Variants in ITPK1 observed in about 807,000 individuals in gnomAD.
ITPK1 encodes the protein inositol 1,3,4-trisphosphate 5/6-kinase.
Under a neutral mutation model 45.3 loss-of-function variants are expected in ITPK1, and 21 were observed. That is an observed-to-expected ratio of 0.46 (90% confidence interval 0.33 to 0.67). The LOEUF (loss-of-function observed/expected upper bound fraction) is 0.67. Ranked by LOEUF, ITPK1 falls within the 30% of genes least tolerant of loss-of-function variation. The pLI is 0.02. For missense variants in ITPK1, 474 were observed against 573.5 expected (o/e 0.83, Z 1.77); for synonymous variants, 258 against 253.6 (o/e 1.02, Z -0.16).
intron 2 of ITPK1, among the ~76,000 whole-genome samples, chr14:93,088,402 C>T (rs553841860): frequency 5.3e-4 from 78 of 146,810 alleles, no homozygotes; most frequent in African/African-American, 1.9e-3. Flanking sequence ...TGCAGTGACA[C>T]GATTTCGGCT....
intron 5 of ITPK1, among the ~76,000 whole-genome samples, chr14:92,970,699 G>T (rs1013588921): frequency 6.6e-6 from 1 of 151,612 alleles, no homozygotes; most frequent in Non-Finnish European, 1.5e-5. Context: ...GCAGTGGCGC[G>T]ATCTCTGCTC....
intron 5 of ITPK1, among the ~76,000 whole-genome samples, chr14:92,981,954 A>G (rs1349870115): frequency 2.0e-5 from 3 of 152,216 alleles, no homozygotes; most frequent in Admixed American, 2.0e-4. Context: ...AACACCATGG[A>G]CAAAGGCCAA....
intron 9 of ITPK1, among the ~76,000 whole-genome samples, chr14:92,950,094 A>G (rs959967477): frequency 6.6e-6 from 1 of 152,240 alleles, no homozygotes; most frequent in Non-Finnish European, 1.5e-5. Context: ...GCCGGACCCC[A>G]GGCAGTCCCG....
At chr14:93,050,949 A>G (rs1889978917) in intron 3 of ITPK1, among the ~76,000 whole-genome samples, 1 of 152,178 alleles carries the variant, frequency 6.6e-6, no homozygotes, top group South Asian at 2.1e-4. Flanking sequence ...AAGTCCATCC[A>G]AGACAGATTC....
intron 3 of ITPK1, among the ~76,000 whole-genome samples, chr14:93,042,622 C>T (rs896882326): frequency 2.6e-5 from 4 of 152,224 alleles, no homozygotes; most frequent in Admixed American, 6.5e-5. Context: ...CCTGATGGGC[C>T]TGACAGGGCA....
chr14:93,088,871 A>T (rs1309549673), intron 2 of ITPK1, among the ~76,000 whole-genome samples: 1 of 152,170 alleles, frequency 6.6e-6, no homozygotes, highest in Non-Finnish European at 1.5e-5. Context: ...GGTAAGAAGC[A>T]GAACCACAAT....
At chr14:92,996,813 T>C (rs1270582573) in intron 4 of ITPK1, among the ~76,000 whole-genome samples, 1 of 152,116 alleles carries the variant, frequency 6.6e-6, no homozygotes, top group Non-Finnish European at 1.5e-5. Flanking sequence ...GGGAAGGCTA[T>C]GTGACCTAGA....
intron 3 of ITPK1, among the ~76,000 whole-genome samples, chr14:93,074,512 C>T (rs1430753565): frequency 6.6e-6 from 1 of 152,222 alleles, no homozygotes; most frequent in Non-Finnish European, 1.5e-5. Context: ...CAGGATCAGG[C>T]ATGGGGGAAG....
At chr14:92,946,095 T>C (rs1159147334) in intron 10 of ITPK1, among the ~76,000 whole-genome samples, 1 of 152,136 alleles carries the variant, frequency 6.6e-6, no homozygotes, top group African/African-American at 2.4e-5. Context: ...ACATGCGTGC[T>C]GTGGCCACTG....
At chr14:92,978,577 A>G (rs924679038) in intron 5 of ITPK1, among the ~76,000 whole-genome samples, 2 of 152,064 alleles carry the variant, frequency 1.3e-5, no homozygotes, top group African/African-American at 4.8e-5. Flanking sequence ...GGCTGGGCTC[A>G]GGGCCCTGCT....
In ITPK1 at chr14:92,989,706, T is replaced by C. The variant is rs570371852; in HGVS notation, c.364+4174A>G. On this transcript the variant is annotated intron_variant, in intron 5 of 10. Coordinates refer to ENST00000267615, the MANE Select transcript of ITPK1 (RefSeq NM_014216.6). ...CCTCCCCGAGGCCTGCACCAGGGAA[T>C]GCTTAATTTCTAGGAAGAATTAAGT... Among the ~76,000 whole-genome samples, 24 of 152,302 alleles carry C rather than the reference T, an allele frequency of 1.6e-4. No individual in the cohort carries two copies. In the South Asian group the frequency reaches 2.1e-3, roughly 13 times the overall value.
chr14:92,994,135 A>G (rs1886930876), intron 4 of ITPK1, 138 bp from the exon 5 acceptor site: 2 of 625,216 alleles, frequency 3.2e-6, no homozygotes, highest in South Asian at 2.0e-5. Context: ...GCATTCCAGC[A>G]CTGGGACATT....
At chr14:93,015,138 G>A (rs766732017) in intron 4 of ITPK1, among the ~76,000 whole-genome samples, 14 of 152,226 alleles carry the variant, frequency 9.2e-5, no homozygotes, top group Non-Finnish European at 1.6e-4. Flanking sequence ...GGACAGTTGT[G>A]TAGGTTGGAG....
intron 5 of ITPK1, among the ~76,000 whole-genome samples, chr14:92,986,471 AG>A (rs1886488617): frequency 6.6e-6 from 1 of 152,228 alleles, no homozygotes; most frequent in Non-Finnish European, 1.5e-5. Flanking sequence ...CAACTGGCCT[AG>A]GATCAGCAGC....
chr14:92,943,592 G>T (rs1304058080), intron 10 of ITPK1, among the ~76,000 whole-genome samples: 1 of 152,236 alleles, frequency 6.6e-6, no homozygotes, highest in Non-Finnish European at 1.5e-5. Flanking sequence ...AGGGAACAGG[G>T]AGCCATTCTC....
Position 93,034,366 on chromosome 14 carries a change from A to G in ITPK1, c.121-17565T>C, listed in dbSNP as rs1411771363. Among the ~76,000 whole-genome samples the G allele has an allele frequency of 1.3e-5, 2 of 151,812 alleles. No individual in the cohort carries two copies. Among genetic ancestry groups the G allele is most frequent in the African/African-American group, 4.8e-5 (2 of 41,268 alleles). On this transcript the variant is annotated intron_variant, in intron 3 of 10. Transcript: ENST00000267615. This position sits in a 1 kb window ranked among gnomAD's most constrained non-coding sequence, Gnocchi z 4.1. ...CTCACAAAATGCAAAAAGGCTCCTG[A>G]GTCTCTTGATTCTGACCCAGAAAAC...
In ITPK1 at chr14:93,063,352, C is replaced by G. The variant is rs115508768; in HGVS notation, c.120+13243G>C. ...AGAGACCCACAGTGGAGGCCAAACT[C>G]CTGCCCAGTGAGACAGGGGTGTGAG... is the stretch of plus-strand genomic sequence containing the variant. On this transcript the variant is annotated intron_variant, in intron 3 of 10. Transcript: ENST00000267615. The surrounding 1 kb of genome is among the most constrained non-coding windows in gnomAD (Gnocchi z 4.3). Among the ~76,000 whole-genome samples the G allele has an allele frequency of 0.033, 5,014 of 152,280 alleles. 288 individuals are homozygous for G. Among genetic ancestry groups the G allele is most frequent in the African/African-American group, 0.11 (4,752 of 41,530 alleles).
In ITPK1 at chr14:92,946,466, G is replaced by A. The variant is rs143698556; in HGVS notation, c.766C>T (p.Arg256Trp). The change falls in exon 10 of 11, where the codon CGG becomes TGG. Residue 256 changes from arginine (R) to tryptophan (W), a missense_variant. Arg to Trp is a moderately radical substitution (Grantham distance 101). Transcript: ENST00000267615. ...TCCCGGATGACCTCGTCGCTCGGCC[G>A]CTCGAACACGCCCTCGATCTTGTCC... is the stretch of plus-strand genomic sequence containing the variant. Reference protein sequence around the residue: ...ELDKIEGVFERPSDEVIRELS... With the variant: ...ELDKIEGVFEWPSDEVIRELS... The A allele has an allele frequency of 1.6e-5, 25 of 1,612,558 alleles. No individual in the cohort carries two copies. In the African/African-American group the frequency reaches 1.7e-4, roughly 11 times the overall value.
chr14:92,957,924 G>C (rs1446345203), intron 8 of ITPK1, among the ~76,000 whole-genome samples: 4 of 152,224 alleles, frequency 2.6e-5, no homozygotes, highest in African/African-American at 9.6e-5. Context: ...TCCCCCAGAA[G>C]CATGCTGGGG....
Sources: gnomAD v4.1 joint callset for allele counts (sites outside exome capture counted in the v4.1 genomes callset) on GRCh38, gnomAD v4.1.1 for gene constraint, Gnocchi (gnomAD v3.1) non-coding constraint, MANE v1.5 for transcripts, NCBI Gene and HGNC (gene_info 2026-07-23, HGNC 2026-07-21) for gene names.